FANCM: variants seen among roughly 807,000 people sequenced by gnomAD.
FANCM encodes FA complementation group M.
Under a neutral mutation model 199.5 loss-of-function variants are expected in FANCM, and 140 were observed. The ratio of observed to expected loss-of-function variants is 0.70; its 90% CI spans 0.61 to 0.81. FANCM has a LOEUF of 0.81. Among genes scored for constraint, FANCM ranks in the 30% least tolerant of loss-of-function variants. The probability of loss-of-function intolerance (pLI) is 0.00; values close to 1 mark genes in which losing one functional copy is unlikely to be tolerated. For synonymous variants in FANCM, 840 were observed against 836.8 expected (o/e 1.00, Z -0.07); for missense variants, 2,410 against 2,421.4 (o/e 1.00, Z 0.10).
At chr14:45,170,828 C>A in intron 12 of FANCM, 82 bp downstream of exon 12, 2 of 1,124,348 alleles carry the variant, frequency 1.8e-6, no homozygotes, top group Non-Finnish European at 2.7e-6. Flanking sequence ...TTATAATGAT[C>A]AAGCAATAGC....
chr14:45,167,472 C>T (rs1357809453), intron 11 of FANCM: 2 of 314,980 alleles, frequency 6.3e-6, no homozygotes, highest in East Asian at 1.5e-4. Flanking sequence ...AACCAGATTA[C>T]AATGTGCGCT....
intron 3 of FANCM, 140 bp from the exon 4 acceptor site, chr14:45,148,697 C>T: frequency 1.6e-6 from 1 of 631,340 alleles, no homozygotes; most frequent in Non-Finnish European, 2.8e-6. Flanking sequence ...ATAGGCTTAT[C>T]TTCTTTCTTT....
chr14:45,158,994 A>G lies in FANCM; in HGVS notation c.1397-102A>G, dbSNP rs1887385177. On this transcript the variant is annotated intron_variant, in intron 8 of 22. Coordinates refer to ENST00000267430, the MANE Select transcript of FANCM (RefSeq NM_020937.4). ...GCTGAATTATTTTTTTGAAAGAATT[A>G]TCATTCGTTAGCATTAACACTTTCA... is the stretch of plus-strand genomic sequence containing the variant. 7.1e-5 allele frequency: 53 copies of G among 743,302 alleles called. 1 individual carries two copies. The South Asian group carries it at 1.0e-3, about 14-fold the overall frequency. The allele number at this position is 743,302 out of a possible 1,614,324, so 46.0% of individuals were successfully genotyped here. A position where few individuals can be genotyped will look rare whatever the true frequency, so the allele number is the denominator to read the frequency against.
intron 10 of FANCM, among the ~76,000 whole-genome samples, chr14:45,166,370 C>T (rs1724112438): frequency 6.6e-6 from 1 of 152,086 alleles, no homozygotes. Context: ...AACTCCGGAC[C>T]TCGTGATCTG....
At chr14:45,154,597 AACTT>A in intron 6 of FANCM, 96 bp from the exon 7 acceptor site, 1 of 870,584 alleles carries the variant, frequency 1.1e-6, no homozygotes, top group Non-Finnish European at 1.7e-6. Context: ...ACACTTGAAA[AACTT>A]ACATTCATTG....
chr14:45,176,695 C>A lies in FANCM; in HGVS notation c.3941C>A (p.Ala1314Glu). ...AATTATGTACATTTGCCACTGAGTGCAGCAAAAAATGAAGAATTGTTATCT... is the reference window on the plus strand; with the variant it reads ...AATTATGTACATTTGCCACTGAGTGAAGCAAAAAATGAAGAATTGTTATCT... ...NPNYVHLPLS[A>E]AKNEELLSPG... The change falls in exon 14 of 23, where the codon GCA (alanine) becomes GAA (glutamate). Residue 1314 changes from alanine (A) to glutamate (E), a missense_variant. Coordinates refer to ENST00000267430, the MANE Select transcript of FANCM (RefSeq NM_020937.4). The A allele has an allele frequency of 6.2e-7, 1 of 1,613,614 alleles. No individual in the cohort carries two copies. Among genetic ancestry groups the A allele is most frequent in the Non-Finnish European group, 8.5e-7 (1 of 1,179,778 alleles).
chr14:45,155,014 T>C (rs905078651), intron 7 of FANCM, among the ~76,000 whole-genome samples, 192 bp downstream of exon 7: 1 of 152,208 alleles, frequency 6.6e-6, no homozygotes, highest in Non-Finnish European at 1.5e-5. Flanking sequence ...CTTTAAACAA[T>C]GTTTAAACTT....
Position 45,140,694 on chromosome 14 carries a change from A to C in FANCM, c.744A>C (p.Pro248=). 4 of 1,585,480 alleles carry C rather than the reference A, an allele frequency of 2.5e-6. No individual in the cohort carries two copies. The highest frequency in any genetic ancestry group is 3.5e-6 in the Non-Finnish European group (4 of 1,154,596). ...GAATCTTGGCTCTAAGTGCCACACC[A>C]GGTAGTGATATAAAGGTAAGTAAAA... ...HFRILALSAT[P]GSDIKAVQQV... is the part of the protein sequence containing the mutation. Residue 248 remains proline, a synonymous_variant, in exon 3 of 23, where the codon CCA becomes CCC. Transcript: ENST00000267430.
Position 45,158,614 on chromosome 14 carries a change from A to C in FANCM, c.1397-482A>C, listed in dbSNP as rs185427071. ...AGGGAAGACTTATGAAATTAGGGGG[A>C]GCTGCATAGTTCTGTGCTTCTGGCC... is the stretch of plus-strand genomic sequence containing the variant. On this transcript the variant is annotated intron_variant, in intron 8 of 22. Transcript: ENST00000267430. Among the ~76,000 whole-genome samples, 27 of 152,210 alleles carry C rather than the reference A, an allele frequency of 1.8e-4. No individual in the cohort carries two copies. The Middle Eastern group carries it at 0.014, about 77-fold the overall frequency.
At chr14:45,196,117 T>C (rs892048226) in intron 20 of FANCM, 55 bp from the exon 21 acceptor site, 8 of 1,595,308 alleles carry the variant, frequency 5.0e-6, no homozygotes, top group Non-Finnish European at 6.9e-6. Context: ...GTGAGACGTT[T>C]ATGGCATTTT....
chr14:45,152,166 C>A (rs192627182), intron 5 of FANCM, among the ~76,000 whole-genome samples: 1 of 151,694 alleles, frequency 6.6e-6, no homozygotes, highest in Non-Finnish European at 1.5e-5. Flanking sequence ...GTAGCTGGGA[C>A]TACAGGCACG....
rs2139251462 is a variant in FANCM, at chr14:45,176,577, G to A, written c.3823G>A (p.Val1275Ile). The A allele has an allele frequency of 6.2e-7, 1 of 1,605,134 alleles. No homozygotes were observed. Among genetic ancestry groups the A allele is most frequent in the Non-Finnish European group, 8.5e-7 (1 of 1,175,284 alleles). ...TAAGGAGATAAGTGATGCAAATTAT[G>A]TTTCGAATCAAGCACTAATACCAAG... Reference protein sequence around the residue: ...EIKEISDANYVSNQALIPRDH... With the variant: ...EIKEISDANYISNQALIPRDH... Residue 1275 changes from valine (V) to isoleucine (I), a missense_variant, in exon 14 of 23, where the codon GTT (valine) becomes ATT (isoleucine). By Grantham distance (29) the Val-to-Ile change is conservative. Coordinates refer to ENST00000267430, the MANE Select transcript of FANCM (RefSeq NM_020937.4).
In FANCM at chr14:45,173,004, G is replaced by A. The variant is rs762057489; in HGVS notation, c.2161-51G>A. 43 of 1,381,938 alleles carry A rather than the reference G, an allele frequency of 3.1e-5. No homozygotes were observed. In the South Asian group the frequency reaches 4.9e-4, roughly 16 times the overall value. 85.6% of individuals were successfully genotyped at this position (1,381,938 alleles called of 1,614,324 possible). A position where few individuals can be genotyped will look rare whatever the true frequency, so the allele number is the denominator to read the frequency against. On this transcript the variant is annotated intron_variant, in intron 12 of 22. Transcript: ENST00000267430. Reference sequence around the variant, plus strand: ...ATTGAGTGTTTTTTAAAATTAGTTTGTGAAATCTCAGTATGTTTTCATCAT... The same window carrying A: ...ATTGAGTGTTTTTTAAAATTAGTTTATGAAATCTCAGTATGTTTTCATCAT...
chr14:45,156,909 T>TC (rs1258861205), intron 8 of FANCM, among the ~76,000 whole-genome samples: 1 of 125,148 alleles, frequency 8.0e-6, no homozygotes, highest in Non-Finnish European at 1.6e-5. Context: ...AGAGTGAGAC[T>TC]CTGTCTCAAA....
intron 3 of FANCM, among the ~76,000 whole-genome samples, chr14:45,144,910 C>G (rs1467791626): frequency 6.6e-6 from 1 of 152,036 alleles, no homozygotes; most frequent in Non-Finnish European, 1.5e-5. Flanking sequence ...AGTTTCTCAT[C>G]ATAGCCATCA....
chr14:45,198,690 GCTGA>G lies in FANCM; in HGVS notation c.5766_5769del (p.Thr1923ProfsTer2). On this transcript the variant is annotated frameshift_variant, in exon 22 of 23. Transcript: ENST00000267430. LOFTEE classifies it high-confidence loss of function. The stretch of plus-strand genomic sequence containing the variant: ...GGAGAACAAAGAGCTATGACAGCCT[GCTGA>G]CTACCTTAATTGGCGCTGGAATCCG... The G allele has an allele frequency of 1.9e-6, 3 of 1,613,652 alleles. No individual in the cohort carries two copies. Among genetic ancestry groups the G allele is most frequent in the Non-Finnish European group, 2.5e-6 (3 of 1,179,634 alleles).
rs775555723 is a variant in FANCM at position 45,175,057 on chromosome 14, T to G, written c.2317-14T>G. ...TTGTTTTCCTGTGGCTTTTTAAATTTTCCTTATTTATAGGGAGAATGCAGC... is the reference window on the plus strand; with the variant it reads ...TTGTTTTCCTGTGGCTTTTTAAATTGTCCTTATTTATAGGGAGAATGCAGC... On this transcript the variant is annotated splice_polypyrimidine_tract_variant and intron_variant, in intron 13 of 22. Coordinates refer to ENST00000267430, the MANE Select transcript of FANCM (RefSeq NM_020937.4). 6.4e-7 allele frequency: 1 copy of G among 1,565,056 alleles called. No homozygotes were observed. Among genetic ancestry groups the G allele is most frequent in the Non-Finnish European group, 8.8e-7 (1 of 1,137,814 alleles).
chr14:45,184,660 CAAAA>C (rs776110476), intron 17 of FANCM, among the ~76,000 whole-genome samples: 1 of 62,178 alleles, frequency 1.6e-5, no homozygotes. Flanking sequence ...GACTCTGTCT[CAAAA>C]AAAAAAAAAA....
chr14:45,169,005 T>C (rs2139221044), intron 11 of FANCM, among the ~76,000 whole-genome samples: 1 of 152,158 alleles, frequency 6.6e-6, no homozygotes, highest in East Asian at 1.9e-4. Context: ...CACTGCAACC[T>C]CTACCTCCCA....
Sources: gnomAD v4.1 joint callset for allele counts (sites outside exome capture counted in the v4.1 genomes callset) on GRCh38, gnomAD v4.1.1 for gene constraint, MANE v1.5 for transcripts, NCBI Gene and HGNC (gene_info 2026-07-23, HGNC 2026-07-21) for gene names.